The following MAGI2 variants were observed in gnomAD, a reference collection of about 807,000 sequenced individuals.
MAGI2 encodes membrane-associated guanylate kinase, WW and PDZ domain-containing protein 2.
MAGI2 carries 35 observed loss-of-function variants against 133.3 expected under a neutral mutation model. The ratio of observed to expected loss-of-function variants is 0.26; its 90% CI spans 0.20 to 0.35. The LOEUF is 0.35. Among genes scored for constraint, MAGI2 ranks in the 10% least tolerant of loss-of-function variants. The pLI is 1.00. For synonymous variants in MAGI2, 729 were observed against 710.6 expected, an observed-to-expected ratio of 1.03 and a Z score of -0.41; for missense variants, 1,636 against 1,863.4, an observed-to-expected ratio of 0.88 and a Z score of 2.25.
intron 2 of MAGI2, among the ~76,000 whole-genome samples, chr7:78,964,680 A>G (rs898016119): frequency 6.6e-6 from 1 of 152,044 alleles, no homozygotes; most frequent in Non-Finnish European, 1.5e-5. Context: ...ACTAATTTTT[A>G]GTATCTTGTT....
chr7:79,040,008 G>C (rs1811508531), intron 1 of MAGI2, among the ~76,000 whole-genome samples: 1 of 151,800 alleles, frequency 6.6e-6, no homozygotes, highest in Non-Finnish European at 1.5e-5. Context: ...CAAATAGCAT[G>C]TTTCATTTAT....
chr7:78,409,335 C>T (rs7804000), intron 6 of MAGI2, among the ~76,000 whole-genome samples: 104,685 of 151,914 alleles, frequency 0.69, 37,210 homozygotes, highest in African/African-American at 0.84. Context: ...AGCAAGAAAT[C>T]ACTCTCGTTT....
chr7:78,949,795 C>T (rs1054936514), intron 2 of MAGI2, among the ~76,000 whole-genome samples: 1 of 152,170 alleles, frequency 6.6e-6, no homozygotes, highest in African/African-American at 2.4e-5. Context: ...GTGCATCTCT[C>T]ACATCTCCAC....
chr7:78,671,210 A>G (rs78516538), intron 2 of MAGI2, among the ~76,000 whole-genome samples: 2,315 of 151,724 alleles, frequency 0.015, 63 homozygotes, highest in African/African-American at 0.053. Context: ...ACTGAACAGC[A>G]CTTTCCAGGC....
At chr7:78,747,084 G>T (rs1822993353) in intron 2 of MAGI2, among the ~76,000 whole-genome samples, 2 of 152,106 alleles carry the variant, frequency 1.3e-5, no homozygotes, top group Admixed American at 6.6e-5. Flanking sequence ...CCAGGTCAGC[G>T]CCAGGTTGAT....
intron 13 of MAGI2, 50 bp from the exon 14 acceptor site, chr7:78,178,152 C>T: frequency 8.5e-7 from 1 of 1,181,658 alleles, no homozygotes; most frequent in Non-Finnish European, 1.3e-6. Context: ...TCTTTCCCAG[C>T]CCCTGAGGAA....
intron 2 of MAGI2, among the ~76,000 whole-genome samples, chr7:78,630,155 C>T (rs1808802237): frequency 6.6e-6 from 1 of 151,794 alleles, no homozygotes; most frequent in Admixed American, 6.6e-5. Context: ...TTTGTTTAAC[C>T]CCCAAATCTC....
chr7:78,283,960 A>G (rs1034243448), intron 9 of MAGI2, among the ~76,000 whole-genome samples: 4 of 152,146 alleles, frequency 2.6e-5, no homozygotes, highest in Admixed American at 2.6e-4. Flanking sequence ...AAAACTCAGG[A>G]GTAATTATTT....
At chr7:79,336,648 T>G (rs2129095844) in intron 1 of MAGI2, among the ~76,000 whole-genome samples, 1 of 152,252 alleles carries the variant, frequency 6.6e-6, no homozygotes, top group South Asian at 2.1e-4. Context: ...TTTTAATAAT[T>G]AAATATGATT....
chr7:78,959,340 C>T (rs1802659588), intron 2 of MAGI2, among the ~76,000 whole-genome samples: 1 of 151,818 alleles, frequency 6.6e-6, no homozygotes, highest in Non-Finnish European at 1.5e-5. Flanking sequence ...TAGTGTGCTG[C>T]CAAACCTATA....
chr7:78,427,461 A>G (rs1303788309), intron 6 of MAGI2, among the ~76,000 whole-genome samples: 3 of 152,126 alleles, frequency 2.0e-5, no homozygotes, highest in Non-Finnish European at 4.4e-5. Flanking sequence ...AGACTTTAAG[A>G]CAAGAAGTGC....
intron 2 of MAGI2, among the ~76,000 whole-genome samples, chr7:78,710,133 A>G (rs1819034309): frequency 6.6e-6 from 1 of 152,200 alleles, no homozygotes; most frequent in Admixed American, 6.5e-5. Context: ...TAATAAGTAC[A>G]TATTACCACA....
chr7:78,624,740 C>A (rs1584884949), intron 3 of MAGI2, among the ~76,000 whole-genome samples: 2 of 151,888 alleles, frequency 1.3e-5, no homozygotes. Flanking sequence ...CAGCAAACCA[C>A]TATGGCACGT....
intron 2 of MAGI2, among the ~76,000 whole-genome samples, chr7:78,695,933 T>C (rs1011828791): frequency 6.7e-6 from 1 of 148,810 alleles, no homozygotes; most frequent in East Asian, 2.1e-4. Context: ...CATAGTTCAT[T>C]TTTTTTTTCT....
At position 78,819,585 on chromosome 7, in the gene MAGI2, G is replaced by A. The variant is rs532456393; in HGVS notation, c.418+187505C>T. ...AATTTTTAAAGATTTGTATGTGTAC[G>A]TGTGTGTCTGTATTAGAGAGAGACA... On this transcript the variant is annotated intron_variant, in intron 2 of 21. Coordinates refer to ENST00000354212, the MANE Select transcript of MAGI2 (RefSeq NM_012301.4). Among the ~76,000 whole-genome samples, 92 of 152,088 alleles carry A rather than the reference G, an allele frequency of 6.0e-4. 3 individuals are homozygous for A. In the South Asian group the frequency reaches 0.016, roughly 27 times the overall value.
At chr7:78,944,944 G>A (rs999126539) in intron 2 of MAGI2, among the ~76,000 whole-genome samples, 4 of 151,982 alleles carry the variant, frequency 2.6e-5, no homozygotes, top group Non-Finnish European at 5.9e-5. Context: ...TCATCATGTT[G>A]CCCGAGCTGG....
At chr7:79,227,433 A>G (rs558876138) in intron 1 of MAGI2, among the ~76,000 whole-genome samples, 1 of 152,356 alleles carries the variant, frequency 6.6e-6, no homozygotes, top group South Asian at 2.1e-4. Flanking sequence ...CAATGGCAAT[A>G]CATCACATCA....
chr7:78,308,828 A>G (rs1798454136), intron 9 of MAGI2, among the ~76,000 whole-genome samples: 1 of 152,218 alleles, frequency 6.6e-6, no homozygotes, highest in South Asian at 2.1e-4. Flanking sequence ...TACTTATACT[A>G]TGGGGCTTAG....
chr7:78,398,312 G>A (rs1190693441), intron 6 of MAGI2, among the ~76,000 whole-genome samples: 2 of 152,118 alleles, frequency 1.3e-5, no homozygotes, highest in Non-Finnish European at 1.5e-5. Context: ...GGATCTGGAG[G>A]ATGCTTGTTG....
Sources: allele counts gnomAD v4.1 joint callset (sites outside exome capture counted in the v4.1 genomes callset), GRCh38; gene constraint gnomAD v4.1.1; transcripts MANE v1.5; gene names NCBI Gene and HGNC (gene_info 2026-07-23, HGNC 2026-07-21).